USP35: variants seen among roughly 807,000 people sequenced by gnomAD.
USP35 encodes ubiquitin specific peptidase 35.
USP35 carries 69 observed loss-of-function variants against 83.8 expected under a neutral mutation model. The ratio of observed to expected loss-of-function variants is 0.82; its 90% confidence interval spans 0.68 to 1.01. The LOEUF is 1.01. USP35 is among the 50% of genes least tolerant of loss of function. The probability of loss-of-function intolerance (pLI) is 0.00; values close to 1 mark genes in which losing one functional copy is unlikely to be tolerated. For missense variants in USP35, 1,503 were observed against 1,362.5 expected (o/e 1.10, Z -1.62); for synonymous variants, 714 against 589.5 (o/e 1.21, Z -3.06).
chr11:78,229,092 T>C, the USP35 span, among the ~76,000 whole-genome samples: 1 of 152,036 alleles, frequency 6.6e-6, no homozygotes, highest in African/African-American at 2.4e-5. Context: ...ATCATTACAG[T>C]CAAGTAGGGG....
the USP35 span, among the ~76,000 whole-genome samples, chr11:78,230,445 G>GT: frequency 6.6e-6 from 1 of 152,158 alleles, no homozygotes; most frequent in African/African-American, 2.4e-5. Flanking sequence ...CTCTACAAAG[G>GT]TATTACAGGT....
At position 78,200,638 on chromosome 11, in the gene USP35, C is replaced by T. The variant is rs1863321611; in HGVS notation, c.1039-12C>T. The T allele has an allele frequency of 1.9e-6, 3 of 1,603,038 alleles. No individual in the cohort carries two copies. The highest frequency in any genetic ancestry group is 2.6e-6 in the Non-Finnish European group (3 of 1,173,514). On this transcript the variant is annotated splice_polypyrimidine_tract_variant and intron_variant, in intron 5 of 10. Coordinates refer to ENST00000529308, the MANE Select transcript of USP35 (RefSeq NM_020798.4). Reference sequence around the variant, plus strand: ...GGTTGGTGCTGAGCCTGACGCAGCTCTGCTCCCACAGCTCCTCCCTCACAT... The same window carrying T: ...GGTTGGTGCTGAGCCTGACGCAGCTTTGCTCCCACAGCTCCTCCCTCACAT...
the USP35 span, among the ~76,000 whole-genome samples, chr11:78,222,848 G>A: frequency 6.6e-6 from 1 of 152,206 alleles, no homozygotes; most frequent in African/African-American, 2.4e-5. Flanking sequence ...CTCCCAAAGT[G>A]TTGGGGTTAC....
At chr11:78,199,029 G>C (rs1863253197) in intron 3 of USP35, 1 of 156,468 alleles carries the variant, frequency 6.4e-6, no homozygotes, top group Non-Finnish European at 1.4e-5. Flanking sequence ...TGTGTGCTCA[G>C]CCCGCACAGG....
chr11:78,230,074 C>A, the USP35 span, among the ~76,000 whole-genome samples: 1 of 152,198 alleles, frequency 6.6e-6, no homozygotes, highest in Non-Finnish European at 1.5e-5. Flanking sequence ...CTGTGTCTTA[C>A]TCATTTTTCT....
chr11:78,212,541 T>A (rs1472240387), intron 10 of USP35, among the ~76,000 whole-genome samples: 2 of 147,842 alleles, frequency 1.4e-5, no homozygotes, highest in East Asian at 4.4e-4. Context: ...GCCATTTTCA[T>A]GCTATTGAGT....
At position 78,213,988 on chromosome 11, in the gene USP35, CCTTTCATTGGGGATCAGT is replaced by C; in HGVS notation, c.*177_*194del. Reference sequence around the variant, plus strand: ...CAGATATGGAAGTAAGACCTAAGTCCCTTTCATTGGGGATCAGTCCCATTAAAACTTTACACCCAAGTG... The same window carrying C: ...CAGATATGGAAGTAAGACCTAAGTCCCCCATTAAAACTTTACACCCAAGTG... On this transcript the variant is annotated 3_prime_UTR_variant, in exon 11 of 11. Transcript: ENST00000529308. 3.0e-6 allele frequency: 2 copies of C among 671,252 alleles called. No homozygotes were observed. Among genetic ancestry groups the C allele is most frequent in the Non-Finnish European group, 2.2e-6 (1 of 447,932 alleles). 41.6% of individuals were successfully genotyped at this position (671,252 alleles called of 1,614,324 possible). A position where few individuals can be genotyped will look rare whatever the true frequency, so the allele number is the denominator to read the frequency against.
intron 1 of USP35, among the ~76,000 whole-genome samples, chr11:78,191,278 A>C (rs920007235): frequency 6.6e-6 from 1 of 152,234 alleles, no homozygotes; most frequent in Non-Finnish European, 1.5e-5. Context: ...TCCGAGAGGA[A>C]CAGGTGAAAG....
At position 78,210,561 on chromosome 11, in the gene USP35, C is replaced by T; in HGVS notation, c.2706C>T (p.Ser902=). The change falls in exon 10 of 11, where the codon TCC becomes TCT. Residue 902 remains serine (S), a synonymous_variant. Transcript: ENST00000529308. ...ATGACACTCGGGTGTCCTTCTCTTCCTTCGAATCTGTCAGCAACGTCACCT... is the reference window on the plus strand; with the variant it reads ...ATGACACTCGGGTGTCCTTCTCTTCTTTCGAATCTGTCAGCAACGTCACCT... ...LFNDTRVSFS[S]FESVSNVTSF... The T allele has an allele frequency of 1.2e-6, 2 of 1,613,102 alleles. No individual in the cohort carries two copies. The highest frequency in any genetic ancestry group is 1.7e-6 in the Non-Finnish European group (2 of 1,179,118).
chr11:78,210,821 AT>A, intron 10 of USP35, 77 bp downstream of exon 10: 1 of 1,407,764 alleles, frequency 7.1e-7, no homozygotes, highest in Non-Finnish European at 9.4e-7. Flanking sequence ...TAGATAAGTC[AT>A]TTCCCCTCTA....
chr11:78,210,319 A>G lies in USP35; in HGVS notation c.2464A>G (p.Lys822Glu). ...CGACCTGCGCACCATGCGGCGCCGC[A>G]AGATCCTGGATGACGTCTCCATCCC... ...SFDLRTMRRR[K>E]ILDDVSIPLL... Residue 822 changes from lysine to glutamate, a missense_variant, in exon 10 of 11, where the codon AAG becomes GAG. Transcript: ENST00000529308. The G allele has an allele frequency of 6.2e-7, 1 of 1,613,380 alleles. No homozygotes were observed. The highest frequency in any genetic ancestry group is 8.5e-7 in the Non-Finnish European group (1 of 1,179,916).
At chr11:78,217,501 G>A (rs1864207115), downstream of USP35, 1 of 152,362 alleles carries the variant, frequency 6.6e-6, no homozygotes, top group South Asian at 2.1e-4. Context: ...GGGGGCAGAG[G>A]ACAGTGGTAG....
Position 78,210,522 on chromosome 11 carries a change from G to C in USP35, c.2667G>C (p.Gln889His), listed in dbSNP as rs749843386. Reference sequence around the variant, plus strand: ...CCGATAGGCCAGAGCCCGAGAACCAGTGGTACCTGTTCAATGACACTCGGG... The same window carrying C: ...CCGATAGGCCAGAGCCCGAGAACCACTGGTACCTGTTCAATGACACTCGGG... ...GTADRPEPENQWYLFNDTRVS... is the reference protein window; with the variant it reads ...GTADRPEPENHWYLFNDTRVS... Residue 889 changes from glutamine to histidine, a missense_variant, in exon 10 of 11, where the codon CAG (glutamine) becomes CAC (histidine). Gln to His is a conservative substitution (Grantham distance 24). Coordinates refer to ENST00000529308, the MANE Select transcript of USP35 (RefSeq NM_020798.4). 4.3e-6 allele frequency: 7 copies of C among 1,613,766 alleles called. No homozygotes were observed. The highest frequency in any genetic ancestry group is 5.9e-6 in the Non-Finnish European group (7 of 1,179,744).
intron 10 of USP35, 33 bp from the exon 11 acceptor site, chr11:78,213,600 AGGGTGTGAATTCT>A: frequency 7.0e-7 from 1 of 1,436,390 alleles, no homozygotes; most frequent in Non-Finnish European, 9.1e-7. Context: ...CTCTGGCTTC[AGGGTGTGAATTCT>A]AAGTCTAAGT....
At chr11:78,204,156 C>G (rs370283531) in intron 6 of USP35, among the ~76,000 whole-genome samples, 2 of 151,960 alleles carry the variant, frequency 1.3e-5, no homozygotes, top group African/African-American at 4.8e-5. Context: ...TCCCAAAGTG[C>G]TGGGATTACA....
the USP35 span, among the ~76,000 whole-genome samples, chr11:78,231,554 C>CG: frequency 6.6e-6 from 1 of 152,134 alleles, no homozygotes; most frequent in Non-Finnish European, 1.5e-5. Context: ...TTCATCATAT[C>CG]GGCCATGCTG....
Position 78,206,014 on chromosome 11 carries a change from A to G in USP35, c.1370A>G (p.Gln457Arg). The G allele has an allele frequency of 1.2e-6, 2 of 1,613,700 alleles. No homozygotes were observed. The highest frequency in any genetic ancestry group is 1.7e-6 in the Non-Finnish European group (2 of 1,179,680). ...GNTCYVNSIL[Q>R]ALFMASDFRH... ...ACATGCTATGTCAACAGCATCCTTC[A>G]GGCCTTATTCATGGCGTCTGAGTAG... The change falls in exon 7 of 11, where the codon CAG becomes CGG. Residue 457 changes from glutamine (Q) to arginine (R), a missense_variant. Transcript: ENST00000529308.
chr11:78,214,226 T>TGGCACCAGGA lies in USP35; in HGVS notation c.*413_*414insGGCACCAGGA, dbSNP rs1416929869. The TGGCACCAGGA allele has an allele frequency of 7.8e-6, 1 of 127,430 alleles. No individual in the cohort carries two copies. The highest frequency in any genetic ancestry group is 1.6e-5 in the Non-Finnish European group (1 of 63,640). 7.9% of individuals were successfully genotyped at this position (127,430 alleles called of 1,614,324 possible). ...TATAAAGCACAGCAGGATCCAAGCCTTGCACAAAGGGGTGGGGGGGGCAGT... is the reference window on the plus strand; with the variant it reads ...TATAAAGCACAGCAGGATCCAAGCCTGGCACCAGGATGCACAAAGGGGTGGGGGGGGCAGT... On this transcript the variant is annotated 3_prime_UTR_variant, in exon 11 of 11. Transcript: ENST00000529308.
At chr11:78,225,248 T>A in the USP35 span, 9 of 1,259,634 alleles carry the variant, frequency 7.1e-6, no homozygotes, top group Non-Finnish European at 1.0e-5. Flanking sequence ...TTGATTCATG[T>A]GTTGACACTT....
Sources: allele counts gnomAD v4.1 joint callset (sites outside exome capture counted in the v4.1 genomes callset), GRCh38; gene constraint gnomAD v4.1.1; transcripts MANE v1.5; gene names NCBI Gene and HGNC (gene_info 2026-07-23, HGNC 2026-07-21).